The following PHACTR3 variants were observed in gnomAD, a reference collection of about 807,000 sequenced individuals.
The protein encoded by PHACTR3 is phosphatase and actin regulator 3, also known as protein phosphatase 1, regulatory subunit 123.
PHACTR3 carries 16 observed loss-of-function variants against 66.8 expected under a neutral mutation model. That is an observed-to-expected ratio of 0.24 (90% CI 0.16 to 0.36). PHACTR3 has a LOEUF of 0.36. Ranked by LOEUF, PHACTR3 falls within the 10% of genes least tolerant of loss-of-function variation. The pLI, the probability that PHACTR3 is intolerant of heterozygous loss-of-function variation, is 1.00. For missense variants in PHACTR3, 647 were observed against 719.9 expected (o/e 0.90, Z 1.16); for synonymous variants, 323 against 292.1 (o/e 1.11, Z -1.08).
intron 1 of PHACTR3, among the ~76,000 whole-genome samples, chr20:59,709,267 A>G (rs1435156071): frequency 6.6e-6 from 1 of 152,150 alleles, no homozygotes; most frequent in Non-Finnish European, 1.5e-5. Context: ...TTTTCCATAG[A>G]TCTAAGACCC....
At chr20:59,745,416 T>TG (rs1192923554) in intron 2 of PHACTR3, among the ~76,000 whole-genome samples, 6 of 152,322 alleles carry the variant, frequency 3.9e-5, no homozygotes, top group African/African-American at 1.2e-4. Context: ...CAAGATGCTC[T>TG]GGGGACCCTG....
chr20:59,766,066 G>A (rs1298889228), intron 4 of PHACTR3, among the ~76,000 whole-genome samples: 2 of 152,224 alleles, frequency 1.3e-5, no homozygotes, highest in African/African-American at 4.8e-5. Context: ...AGATGCTGGG[G>A]ACAGCAGTTT....
intron 1 of PHACTR3, among the ~76,000 whole-genome samples, chr20:59,692,517 G>A (rs2037148176): frequency 6.6e-6 from 1 of 152,222 alleles, no homozygotes; most frequent in Non-Finnish European, 1.5e-5. Context: ...GATGCTTCTA[G>A]TGATGCAAGC....
Position 59,836,569 on chromosome 20 carries a change from C to G in PHACTR3, c.1384+9C>G, listed in dbSNP as rs546513486. The G allele has an allele frequency of 1.1e-5, 18 of 1,610,172 alleles. No individual in the cohort carries two copies. The highest frequency in any genetic ancestry group is 8.0e-5 in the African/African-American group (6 of 74,716). ...AAGAAATATCTTGAAACGTGAGTAGCTGGTGATTCCTCTAGAGGTTTTCCT... is the reference window on the plus strand; with the variant it reads ...AAGAAATATCTTGAAACGTGAGTAGGTGGTGATTCCTCTAGAGGTTTTCCT... On this transcript the variant is annotated intron_variant, in intron 9 of 12. Transcript: ENST00000371015.
chr20:59,647,093 G>A (rs1174173979), intron 1 of PHACTR3, among the ~76,000 whole-genome samples: 1 of 152,204 alleles, frequency 6.6e-6, no homozygotes, highest in Non-Finnish European at 1.5e-5. Context: ...ACATATCTAG[G>A]ACTGGGTAAT....
intron 1 of PHACTR3, among the ~76,000 whole-genome samples, chr20:59,638,156 A>G (rs1041818261): frequency 2.0e-5 from 3 of 152,200 alleles, no homozygotes; most frequent in Non-Finnish European, 4.4e-5. Context: ...CACTGGTATA[A>G]GCTGTCTTAG....
intron 1 of PHACTR3, among the ~76,000 whole-genome samples, chr20:59,671,214 G>A (rs767993370): frequency 2.0e-5 from 3 of 152,222 alleles, no homozygotes; most frequent in Non-Finnish European, 2.9e-5. Flanking sequence ...CCTTGGTGAA[G>A]TGGCTTCCTT....
chr20:59,638,436 G>T (rs2034971169), intron 1 of PHACTR3, among the ~76,000 whole-genome samples: 1 of 150,862 alleles, frequency 6.6e-6, no homozygotes, highest in Non-Finnish European at 1.5e-5. Flanking sequence ...GATGGATGAT[G>T]GCTAAGTAGA....
intron 4 of PHACTR3, among the ~76,000 whole-genome samples, chr20:59,766,605 C>T (rs1040320758): frequency 6.6e-6 from 1 of 152,102 alleles, no homozygotes; most frequent in East Asian, 1.9e-4. Flanking sequence ...GGTGGCCTGA[C>T]CCTTCCTCCA....
At position 59,704,562 on chromosome 20, in the gene PHACTR3, CTTTTTTTTTT is replaced by C. The variant is rs11331156; in HGVS notation, c.119-38532_119-38523del. On this transcript the variant is annotated intron_variant, in intron 1 of 12. Coordinates refer to ENST00000371015, the MANE Select transcript of PHACTR3 (RefSeq NM_080672.5). Reference sequence around the variant, plus strand: ...CACTCAGCACTCTCCTGAGAATAGTCTTTTTTTTTTTTTTTTTTTTTTGCCACTGATTGGA... The same window carrying C: ...CACTCAGCACTCTCCTGAGAATAGTCTTTTTTTTTTTTGCCACTGATTGGA... 2.0e-4 allele frequency among the ~76,000 whole-genome samples: 18 copies of C among 89,474 alleles called. No individual in the cohort carries two copies. In the Admixed American group the frequency reaches 2.1e-3, roughly 10 times the overall value. The allele number at this position is 89,474 out of a possible 152,430, so 58.7% of individuals were successfully genotyped here.
chr20:59,830,468 T>C lies in PHACTR3; in HGVS notation c.1329-6037T>C, dbSNP rs1275337506. On this transcript the variant is annotated intron_variant, in intron 8 of 12. Coordinates refer to ENST00000371015, the MANE Select transcript of PHACTR3 (RefSeq NM_080672.5). The surrounding 1 kb of genome is among the most constrained non-coding windows in gnomAD (Gnocchi z 5.8). ...GATGGAGGAAGATGTGAACATCTGA[T>C]GGAGGTGTGAATGAGCAGATGTTGA... Among the ~76,000 whole-genome samples, 1 of 151,868 alleles carries C rather than the reference T, an allele frequency of 6.6e-6. No homozygotes were observed. The highest frequency in any genetic ancestry group is 1.5e-5 in the Non-Finnish European group (1 of 67,970).
At chr20:59,679,577 A>G (rs2036572381) in intron 1 of PHACTR3, among the ~76,000 whole-genome samples, 1 of 152,260 alleles carries the variant, frequency 6.6e-6, no homozygotes, top group African/African-American at 2.4e-5. Flanking sequence ...TCTGGGTGGC[A>G]TGGGCATCGG....
At chr20:59,577,598 C>T (rs1600854746) in exon 1 of PHACTR3, 2 of 1,209,340 alleles carry the variant, frequency 1.7e-6, no homozygotes, top group African/African-American at 1.6e-5. Flanking sequence ...CTGCCGCCGC[C>T]GCCCGAGATC....
intron 4 of PHACTR3, among the ~76,000 whole-genome samples, chr20:59,755,914 G>A (rs531470483): frequency 2.1e-4 from 32 of 152,276 alleles, no homozygotes; most frequent in African/African-American, 7.7e-4. Context: ...GGGGAGGTGG[G>A]CTTGGTGCCT....
rs55834062 is a variant in PHACTR3 at position 59,605,858 on chromosome 20, TGGG to T, written c.118+735_118+737del. ...AGGCCTAATAAAGCGGGGGGGGAGG[TGGG>T]GGGGGGGGTGGGCTGTGTGCGCCTG... On this transcript the variant is annotated intron_variant, in intron 1 of 12. Transcript: ENST00000371015. Among the ~76,000 whole-genome samples, 60 of 87,728 alleles carry T rather than the reference TGGG, an allele frequency of 6.8e-4. No individual in the cohort carries two copies. In the East Asian group the frequency reaches 7.2e-3, roughly 11 times the overall value. 57.6% of individuals were successfully genotyped at this position (87,728 alleles called of 152,430 possible). A position where few individuals can be genotyped will look rare whatever the true frequency, so the allele number is the denominator to read the frequency against.
In PHACTR3 at chr20:59,736,294, G is replaced by A. The variant is rs1453743155; in HGVS notation, c.119-6813G>A. ...ACTGTTATTCAGAGGCTGGGGGGTGGCTGCTAATGTGTTTGCACCTTCCAG... is the reference window on the plus strand; with the variant it reads ...ACTGTTATTCAGAGGCTGGGGGGTGACTGCTAATGTGTTTGCACCTTCCAG... On this transcript the variant is annotated intron_variant, in intron 1 of 12. Coordinates refer to ENST00000371015, the MANE Select transcript of PHACTR3 (RefSeq NM_080672.5). The surrounding 1 kb of genome is among the most constrained non-coding windows in gnomAD (Gnocchi z 4.6). Among the ~76,000 whole-genome samples, 13 of 152,060 alleles carry A rather than the reference G, an allele frequency of 8.5e-5. No individual in the cohort carries two copies. The highest frequency in any genetic ancestry group is 2.9e-4 in the African/African-American group (12 of 41,354).
chr20:59,722,741 C>T (rs1005573047), intron 1 of PHACTR3, among the ~76,000 whole-genome samples: 1 of 152,006 alleles, frequency 6.6e-6, no homozygotes, highest in East Asian at 1.9e-4. Context: ...GCTTGAGGGG[C>T]AGCCATGGCG....
rs976336130 is a variant in PHACTR3 at position 59,805,915 on chromosome 20, G to A, written c.1175-126G>A. 7 of 1,026,998 alleles carry A rather than the reference G, an allele frequency of 6.8e-6. No homozygotes were observed. In the Admixed American group the frequency reaches 1.4e-4, roughly 20 times the overall value. The allele number at this position is 1,026,998 out of a possible 1,614,324, so 63.6% of individuals were successfully genotyped here. A position where few individuals can be genotyped will look rare whatever the true frequency, so the allele number is the denominator to read the frequency against. ...GCGAGCGTGTGTCCTCTCAGTTCTAGCCACCATCACCCTGGTCTGGAGTCC... is the reference window on the plus strand; with the variant it reads ...GCGAGCGTGTGTCCTCTCAGTTCTAACCACCATCACCCTGGTCTGGAGTCC... On this transcript the variant is annotated intron_variant, in intron 7 of 12. Transcript: ENST00000371015.
chr20:59,815,419 TTTTTTTTTTTTTG>T (rs1789680195), intron 8 of PHACTR3, among the ~76,000 whole-genome samples: 1 of 95,404 alleles, frequency 1.0e-5, no homozygotes, highest in Admixed American at 1.1e-4. Flanking sequence ...GGGGTTCTGG[TTTTTTTTTTTTTG>T]TTTTTTTTTT....
Sources: allele counts gnomAD v4.1 joint callset (sites outside exome capture counted in the v4.1 genomes callset), GRCh38; gene constraint gnomAD v4.1.1; non-coding constraint Gnocchi (gnomAD v3.1); transcripts MANE v1.5; gene names NCBI Gene and HGNC (gene_info 2026-07-23, HGNC 2026-07-21).